SGPL1: variants seen among roughly 807,000 people sequenced by gnomAD.
SGPL1 encodes the protein SP-lyase 1.
Under a neutral mutation model 68.9 loss-of-function variants are expected in SGPL1, and 37 were observed. The observed-to-expected ratio is 0.54, with a 90% CI of 0.41 to 0.71. The LOEUF is 0.71. SGPL1 is among the 30% of genes least tolerant of loss of function. The pLI is 0.00. For missense variants in SGPL1, 551 were observed against 704.6 expected (o/e 0.78, Z 2.47); for synonymous variants, 236 against 248.5 (o/e 0.95, Z 0.47).
chr10:70,850,300 C>T (rs902442445), intron 3 of SGPL1, among the ~76,000 whole-genome samples: 8 of 152,204 alleles, frequency 5.3e-5, no homozygotes, highest in Non-Finnish European at 8.8e-5. Flanking sequence ...GAGGTGTGAG[C>T]CACTGTGCCT....
intron 2 of SGPL1, among the ~76,000 whole-genome samples, chr10:70,822,291 T>C (rs1589446266): frequency 1.3e-5 from 2 of 152,324 alleles, no homozygotes; most frequent in South Asian, 2.1e-4. Flanking sequence ...CCCAGTGTTA[T>C]AGATGAAACA....
Position 70,844,627 on chromosome 10 carries a change from T to G in SGPL1, c.182T>G (p.Phe61Cys), listed in dbSNP as rs1326452400. The change falls in exon 3 of 15, where the codon TTC (phenylalanine) becomes TGC (cysteine). Residue 61 changes from phenylalanine (F) to cysteine (C), a missense_variant. By Grantham distance (205) the Phe-to-Cys change is radical. Transcript: ENST00000373202. ...LLIVWGYEFV[F>C]QPESLWSRFK... ...ATAGTCTGGGGATATGAGTTTGTCT[T>G]CCAGCCAGAGAGTAAGTATGCTGTC... is the stretch of plus-strand genomic sequence containing the variant. 1.2e-6 allele frequency: 2 copies of G among 1,614,002 alleles called. No individual in the cohort carries two copies. The highest frequency in any genetic ancestry group is 1.7e-5 in the Admixed American group (1 of 60,006).
At chr10:70,864,019 T>G (rs1469916583) in intron 7 of SGPL1, among the ~76,000 whole-genome samples, 1 of 152,180 alleles carries the variant, frequency 6.6e-6, no homozygotes, top group Non-Finnish European at 1.5e-5. Flanking sequence ...TTGATTTTGC[T>G]TTGTTTGGGG....
chr10:70,835,683 C>T (rs1299813662), intron 2 of SGPL1, among the ~76,000 whole-genome samples: 1 of 149,322 alleles, frequency 6.7e-6, no homozygotes, highest in Non-Finnish European at 1.5e-5. Flanking sequence ...TTGCAGTGAA[C>T]CAAGATTGCA....
intron 6 of SGPL1, 65 bp downstream of exon 6, chr10:70,857,755 T>C (rs886571716): frequency 1.0e-5 from 11 of 1,048,460 alleles, no homozygotes; most frequent in Middle Eastern, 2.2e-4. Flanking sequence ...CTCCTTTTTT[T>C]CCCTTACTTT....
chr10:70,861,820 G>A (rs1362933386), intron 7 of SGPL1, among the ~76,000 whole-genome samples: 1 of 152,226 alleles, frequency 6.6e-6, no homozygotes, highest in Non-Finnish European at 1.5e-5. Flanking sequence ...AGGTCCCCCA[G>A]TAGTGCCGGC....
Position 70,847,272 on chromosome 10 carries a change from A to G in SGPL1, c.193+2634A>G, listed in dbSNP as rs138960874. Among the ~76,000 whole-genome samples, 131 of 152,038 alleles carry G rather than the reference A, an allele frequency of 8.6e-4. 5 individuals carry two copies. The East Asian group carries it at 0.022, about 26-fold the overall frequency. ...AAGCAATTCTCCCTGCCTCAGCCTCATGAGTAGCTGGGATTATAGGTGCCC... is the reference window on the plus strand; with the variant it reads ...AAGCAATTCTCCCTGCCTCAGCCTCGTGAGTAGCTGGGATTATAGGTGCCC... On this transcript the variant is annotated intron_variant, in intron 3 of 14. Transcript: ENST00000373202.
chr10:70,877,385 T>C lies in SGPL1; in HGVS notation c.*50T>C. ...GGGATTCCAGCCTTCAGAAGGTTCTTGGGATATGGAACAGGCCGTGCACAA... is the reference window on the plus strand; with the variant it reads ...GGGATTCCAGCCTTCAGAAGGTTCTCGGGATATGGAACAGGCCGTGCACAA... On this transcript the variant is annotated 3_prime_UTR_variant, in exon 15 of 15. Coordinates refer to ENST00000373202, the MANE Select transcript of SGPL1 (RefSeq NM_003901.4). 6.3e-7 allele frequency: 1 copy of C among 1,599,680 alleles called. No individual in the cohort carries two copies. Among genetic ancestry groups the C allele is most frequent in the South Asian group, 1.1e-5 (1 of 90,680 alleles).
Position 70,880,714 on chromosome 10 carries a change from A to G in SGPL1, c.*3379A>G, listed in dbSNP as rs193054767. 1.3e-5 allele frequency: 2 copies of G among 152,338 alleles called. No homozygotes were observed. The highest frequency in any genetic ancestry group is 1.3e-4 in the Admixed American group (2 of 15,298). The allele number at this position is 152,338 out of a possible 1,614,324, so 9.4% of individuals were successfully genotyped here. A position where few individuals can be genotyped will look rare whatever the true frequency, so the allele number is the denominator to read the frequency against. ...AACCCAGCTTTTCCTTTTGGCTTTT[A>G]GCCCATTCAGACTTTGCCAGAGTCA... On this transcript the variant is annotated 3_prime_UTR_variant, in exon 15 of 15. Transcript: ENST00000373202.
rs1845764156 is a variant in SGPL1 at position 70,844,630 on chromosome 10, A to G, written c.185A>G (p.Gln62Arg). Reference sequence around the variant, plus strand: ...GTCTGGGGATATGAGTTTGTCTTCCAGCCAGAGAGTAAGTATGCTGTCTCC... The same window carrying G: ...GTCTGGGGATATGAGTTTGTCTTCCGGCCAGAGAGTAAGTATGCTGTCTCC... ...LIVWGYEFVFQPESLWSRFKK... is the reference protein window; with the variant it reads ...LIVWGYEFVFRPESLWSRFKK... The change falls in exon 3 of 15, where the codon CAG (glutamine) becomes CGG (arginine). Residue 62 changes from glutamine (Q) to arginine (R), a missense_variant. Coordinates refer to ENST00000373202, the MANE Select transcript of SGPL1 (RefSeq NM_003901.4). 1.2e-6 allele frequency: 2 copies of G among 1,613,856 alleles called. No homozygotes were observed. Among genetic ancestry groups the G allele is most frequent in the South Asian group, 2.2e-5 (2 of 91,074 alleles).
intron 7 of SGPL1, among the ~76,000 whole-genome samples, chr10:70,864,597 T>C (rs756592371): frequency 5.3e-5 from 8 of 152,214 alleles, no homozygotes; most frequent in Non-Finnish European, 1.2e-4. Flanking sequence ...CATGTTCTTA[T>C]GATATTTTCC....
At chr10:70,866,533 ATAT>A (rs1458901669) in intron 7 of SGPL1, 2 of 152,202 alleles carry the variant, frequency 1.3e-5, no homozygotes, top group African/African-American at 4.8e-5. Context: ...GAATTTGGAA[ATAT>A]TATTGCTTAG....
chr10:70,864,022 G>T (rs1846131596), intron 7 of SGPL1, among the ~76,000 whole-genome samples: 1 of 151,932 alleles, frequency 6.6e-6, no homozygotes, highest in Admixed American at 6.6e-5. Flanking sequence ...ATTTTGCTTT[G>T]TTTGGGGGTT....
intron 13 of SGPL1, 26 bp from the exon 14 acceptor site, chr10:70,876,515 A>T: frequency 6.3e-7 from 1 of 1,591,738 alleles, no homozygotes; most frequent in Non-Finnish European, 8.5e-7. Context: ...TTCAAGGTTC[A>T]TCTCTCTCTG....
Position 70,869,778 on chromosome 10 carries a change from TC to T in SGPL1, c.705-11del. ...GGCCTGAGTTACATTATTCTCCTCT[TC>T]CCTGTCATTTAGTGTGGCTCCCCAA... On this transcript the variant is annotated splice_polypyrimidine_tract_variant and intron_variant, in intron 8 of 14. Transcript: ENST00000373202. The T allele has an allele frequency of 6.2e-7, 1 of 1,608,448 alleles. No homozygotes were observed. The highest frequency in any genetic ancestry group is 8.5e-7 in the Non-Finnish European group (1 of 1,175,258).
chr10:70,846,655 A>G (rs564548433), intron 3 of SGPL1, among the ~76,000 whole-genome samples: 2 of 152,344 alleles, frequency 1.3e-5, no homozygotes, highest in African/African-American at 4.8e-5. Context: ...TTACAAATGT[A>G]CTACAATTCA....
intron 7 of SGPL1, chr10:70,860,349 C>T (rs1030958554): frequency 1.1e-5 from 5 of 462,562 alleles, no homozygotes; most frequent in Non-Finnish European, 2.2e-5. Flanking sequence ...TATTGAAGGG[C>T]CCATTCGAAG....
Position 70,844,471 on chromosome 10 carries a change from A to G in SGPL1, c.28-2A>G. ...GTTTTTATTTTTCACTTGTATTTCT[A>G]GAAGGCCTTTGAGCCCTACTTAGAG... On this transcript the variant is annotated splice_acceptor_variant, in intron 2 of 14. Coordinates refer to ENST00000373202, the MANE Select transcript of SGPL1 (RefSeq NM_003901.4). LOFTEE classifies it high-confidence loss of function. The G allele has an allele frequency of 1.9e-6, 3 of 1,612,300 alleles. No homozygotes were observed. Among genetic ancestry groups the G allele is most frequent in the Non-Finnish European group, 1.7e-6 (2 of 1,178,786 alleles).
intron 12 of SGPL1, among the ~76,000 whole-genome samples, chr10:70,874,555 C>T (rs827248): frequency 0.98 from 148,801 of 152,210 alleles, 72,855 homozygotes; most frequent in Middle Eastern, 1. Context: ...AGAACCCCGT[C>T]TCTACTAAAA....
Sources: gnomAD v4.1 joint callset for allele counts (sites outside exome capture counted in the v4.1 genomes callset) on GRCh38, gnomAD v4.1.1 for gene constraint, MANE v1.5 for transcripts, NCBI Gene and HGNC (gene_info 2026-07-23, HGNC 2026-07-21) for gene names.